NECAB1: variants seen among roughly 807,000 people sequenced by gnomAD.
NECAB1 encodes the protein N-terminal EF-hand calcium binding protein 1.
NECAB1 carries 29 observed loss-of-function variants against 57.5 expected under a neutral mutation model. The observed-to-expected ratio is 0.50, with a 90% CI of 0.38 to 0.69. The LOEUF is 0.69. NECAB1 is among the 30% of genes least tolerant of loss of function. The pLI is 0.00. For missense variants in NECAB1, 372 were observed against 413.8 expected (o/e 0.90, Z 0.88); for synonymous variants, 142 against 147.7 (o/e 0.96, Z 0.28).
At chr8:90,930,736 C>T (rs1179361431) in intron 8 of NECAB1, among the ~76,000 whole-genome samples, 1 of 152,116 alleles carries the variant, frequency 6.6e-6, no homozygotes, top group African/African-American at 2.4e-5. Context: ...CAACTTTCCT[C>T]CTTTCTTATT....
intron 3 of NECAB1, among the ~76,000 whole-genome samples, chr8:90,858,446 A>G (rs1812834979): frequency 1.3e-5 from 2 of 152,210 alleles, no homozygotes; most frequent in South Asian, 4.1e-4. Flanking sequence ...TTGCAAACTT[A>G]TAAAATTCTC....
intron 3 of NECAB1, among the ~76,000 whole-genome samples, chr8:90,837,914 A>G (rs35816841): frequency 4.6e-5 from 7 of 152,218 alleles, no homozygotes; most frequent in Non-Finnish European, 8.8e-5. Flanking sequence ...TTCAACTTGT[A>G]TGCTGAATTC....
chr8:90,812,355 A>AT (rs1483422392), intron 2 of NECAB1, among the ~76,000 whole-genome samples: 1 of 152,204 alleles, frequency 6.6e-6, no homozygotes, highest in South Asian at 2.1e-4. Context: ...GCCTGAGTAA[A>AT]TAGAAGTGTT....
intron 4 of NECAB1, among the ~76,000 whole-genome samples, chr8:90,880,240 T>TTA (rs1480177376): frequency 2.0e-5 from 3 of 152,124 alleles, no homozygotes; most frequent in African/African-American, 7.2e-5. Flanking sequence ...AAACTACAGT[T>TTA]CATCCAAGGA....
At chr8:90,942,754 T>C (rs1157100852) in intron 10 of NECAB1, among the ~76,000 whole-genome samples, 1 of 152,062 alleles carries the variant, frequency 6.6e-6, no homozygotes, top group Non-Finnish European at 1.5e-5. Context: ...TGGTAGCATG[T>C]GCCTGTAATC....
intron 1 of NECAB1, among the ~76,000 whole-genome samples, chr8:90,799,543 A>G (rs1457691179): frequency 6.6e-6 from 1 of 152,188 alleles, no homozygotes. Flanking sequence ...TAGCTATCCC[A>G]GCACCATTTA....
chr8:90,816,445 T>C (rs988346702), intron 2 of NECAB1, among the ~76,000 whole-genome samples: 2 of 151,894 alleles, frequency 1.3e-5, no homozygotes, highest in Non-Finnish European at 3.0e-5. Context: ...GATTTTCTCC[T>C]AATTTTTAAT....
chr8:90,804,440 C>T (rs1367885014), intron 2 of NECAB1, among the ~76,000 whole-genome samples: 1 of 151,644 alleles, frequency 6.6e-6, no homozygotes, highest in African/African-American at 2.4e-5. Context: ...ATTTTTAGAT[C>T]AATTGCACAG....
chr8:90,884,533 A>C (rs1808924477), intron 5 of NECAB1, among the ~76,000 whole-genome samples: 1 of 152,230 alleles, frequency 6.6e-6, no homozygotes, highest in Non-Finnish European at 1.5e-5. Context: ...TAGGCAAAAT[A>C]TCCAAGCTGA....
chr8:90,846,082 A>G (rs1486888244), intron 3 of NECAB1, among the ~76,000 whole-genome samples: 3 of 152,238 alleles, frequency 2.0e-5, no homozygotes, highest in Non-Finnish European at 2.9e-5. Context: ...ATTACCACAA[A>G]TGATACCTAA....
chr8:90,921,529 G>A lies in NECAB1; in HGVS notation c.494+3901G>A, dbSNP rs148174827. ...ACTCAAAATACAAAGAAATTAGCCC[G>A]GCATGGTGGTGGCAGATACCTGCAA... On this transcript the variant is annotated intron_variant, in intron 6 of 12. Transcript: ENST00000417640. 2.4e-3 allele frequency among the ~76,000 whole-genome samples: 360 copies of A among 152,128 alleles called. 2 individuals carry two copies. Among genetic ancestry groups the A allele is most frequent in the African/African-American group, 8.0e-3 (333 of 41,522 alleles).
chr8:90,892,753 G>A (rs1320431572), intron 5 of NECAB1, among the ~76,000 whole-genome samples: 1 of 152,152 alleles, frequency 6.6e-6, no homozygotes, highest in African/African-American at 2.4e-5. Context: ...TTTTCATCCA[G>A]TGTTGTCTAC....
At chr8:90,816,885 A>G (rs1812068486) in intron 2 of NECAB1, among the ~76,000 whole-genome samples, 1 of 151,696 alleles carries the variant, frequency 6.6e-6, no homozygotes. Context: ...CATTGAATCA[A>G]TAGATTAAGT....
At chr8:90,872,917 C>T (rs1173090991) in intron 4 of NECAB1, among the ~76,000 whole-genome samples, 1 of 152,146 alleles carries the variant, frequency 6.6e-6, no homozygotes, top group East Asian at 1.9e-4. Context: ...TGAGTTTTGT[C>T]TGAGAACTCC....
chr8:90,801,481 A>T (rs949713596), intron 1 of NECAB1, among the ~76,000 whole-genome samples: 1 of 152,164 alleles, frequency 6.6e-6, no homozygotes, highest in African/African-American at 2.4e-5. Context: ...GCTATACCAC[A>T]GTTGGTTTGT....
At chr8:90,942,591 A>G (rs764977676) in intron 10 of NECAB1, among the ~76,000 whole-genome samples, 8 of 152,166 alleles carry the variant, frequency 5.3e-5, no homozygotes, top group Non-Finnish European at 8.8e-5. Flanking sequence ...ATAAAATTGA[A>G]TATTTAAAAA....
intron 3 of NECAB1, among the ~76,000 whole-genome samples, chr8:90,858,895 G>A (rs1812844546): frequency 6.6e-6 from 1 of 152,112 alleles, no homozygotes; most frequent in Admixed American, 6.5e-5. Flanking sequence ...AACTGCAGCA[G>A]TGACTAACAA....
chr8:90,875,487 C>CAAAAA lies in NECAB1; in HGVS notation c.259+3358_259+3362dup, dbSNP rs35777818. 4.1e-3 allele frequency among the ~76,000 whole-genome samples: 170 copies of CAAAAA among 41,496 alleles called. 26 individuals are homozygous for CAAAAA. The highest frequency in any genetic ancestry group is 0.021 in the African/African-American group (145 of 7,038). 27.2% of individuals were successfully genotyped at this position (41,496 alleles called of 152,430 possible). On this transcript the variant is annotated intron_variant, in intron 4 of 12. Coordinates refer to ENST00000417640, the MANE Select transcript of NECAB1 (RefSeq NM_022351.5). The stretch of plus-strand genomic sequence containing the variant: ...TGGGCGACAGAGCGAGACTCCGTCT[C>CAAAAA]AAAAAAAAAAAAAAAAAAAAAAAAA...
chr8:90,854,431 A>G (rs955454716), intron 3 of NECAB1, among the ~76,000 whole-genome samples: 1 of 152,236 alleles, frequency 6.6e-6, no homozygotes, highest in East Asian at 1.9e-4. Flanking sequence ...CCACATTTAA[A>G]TATAAGACTA....
Sources: allele counts gnomAD v4.1 joint callset (sites outside exome capture counted in the v4.1 genomes callset), GRCh38; gene constraint gnomAD v4.1.1; transcripts MANE v1.5; gene names NCBI Gene and HGNC (gene_info 2026-07-23, HGNC 2026-07-21).